RAB2A: variants seen among roughly 807,000 people sequenced by gnomAD.
RAB2A encodes RAB2A, member RAS oncogene family.
Under a neutral mutation model 32.5 loss-of-function variants are expected in RAB2A, and 7 were observed. The observed-to-expected ratio is 0.22, with a 90% CI of 0.12 to 0.40. The LOEUF (loss-of-function observed/expected upper bound fraction) is 0.40. Among genes scored for constraint, RAB2A ranks in the 10% least tolerant of loss-of-function variants. RAB2A has a pLI of 1.00. For missense variants in RAB2A, 108 were observed against 260.7 expected (o/e 0.41, Z 4.03); for synonymous variants, 79 against 85.2 (o/e 0.93, Z 0.40).
At chr8:60,592,061 G>A (rs750592323) in intron 6 of RAB2A, 92 bp downstream of exon 6, 53 of 733,014 alleles carry the variant, frequency 7.2e-5, no homozygotes, top group African/African-American at 1.8e-4. Context: ...GTTTTTAGTC[G>A]GATGGTCTTT....
chr8:60,542,410 G>C (rs186633832), intron 1 of RAB2A, among the ~76,000 whole-genome samples: 1 of 152,242 alleles, frequency 6.6e-6, no homozygotes, highest in East Asian at 1.9e-4. Context: ...AGCTACTTGG[G>C]AGCTGAGGCA....
At position 60,529,967 on chromosome 8, in the gene RAB2A, G is replaced by A. The variant is rs192906773; in HGVS notation, c.46+12714G>A. ...CCAAAGTAATCAGTTGACTCATTCTGGTTCTGTGTCACCTTTTTTTTGAGA... is the reference window on the plus strand; with the variant it reads ...CCAAAGTAATCAGTTGACTCATTCTAGTTCTGTGTCACCTTTTTTTTGAGA... On this transcript the variant is annotated intron_variant, in intron 1 of 7. Coordinates refer to ENST00000262646, the MANE Select transcript of RAB2A (RefSeq NM_002865.3). Among the ~76,000 whole-genome samples, 36 of 152,022 alleles carry A rather than the reference G, an allele frequency of 2.4e-4. 1 individual carries two copies. In the Middle Eastern group the frequency reaches 0.01, roughly 43 times the overall value.
chr8:60,547,006 C>G (rs1318957756), intron 1 of RAB2A, among the ~76,000 whole-genome samples: 3 of 142,506 alleles, frequency 2.1e-5, no homozygotes, highest in East Asian at 4.2e-4. Flanking sequence ...AACAAGTGAA[C>G]AAAGGTCTCT....
chr8:60,608,085 A>G (rs935114094), intron 6 of RAB2A, among the ~76,000 whole-genome samples: 1 of 142,800 alleles, frequency 7.0e-6, no homozygotes, highest in African/African-American at 2.8e-5. Context: ...CAACTAACAA[A>G]TACTTTTCTG....
intron 6 of RAB2A, among the ~76,000 whole-genome samples, chr8:60,610,273 A>G (rs1010383151): frequency 4.6e-5 from 7 of 152,174 alleles, no homozygotes; most frequent in Admixed American, 1.3e-4. Flanking sequence ...ATGAATTTCT[A>G]TGTCCAGAGA....
intron 3 of RAB2A, among the ~76,000 whole-genome samples, chr8:60,573,447 G>C (rs1241462239): frequency 6.6e-6 from 1 of 152,150 alleles, no homozygotes; most frequent in African/African-American, 2.4e-5. Context: ...TGGGACCTGG[G>C]TTTCCTGATA....
intron 6 of RAB2A, among the ~76,000 whole-genome samples, chr8:60,599,110 A>T (rs1305205989): frequency 2.0e-5 from 3 of 152,096 alleles, no homozygotes; most frequent in African/African-American, 7.2e-5. Flanking sequence ...AGACATAAAA[A>T]TCAATCGTAT....
intron 3 of RAB2A, among the ~76,000 whole-genome samples, chr8:60,582,736 C>A (rs1456750983): frequency 6.6e-6 from 1 of 152,102 alleles, no homozygotes; most frequent in Non-Finnish European, 1.5e-5. Context: ...TGGTCTTAAC[C>A]CATTTATGCA....
At chr8:60,528,367 T>G (rs529488295) in intron 1 of RAB2A, among the ~76,000 whole-genome samples, 94 of 152,362 alleles carry the variant, frequency 6.2e-4, no homozygotes, top group African/African-American at 2.2e-3. Context: ...TTATCCTGCT[T>G]CTTTGAATGT....
chr8:60,607,428 CAAAAAAAAAAA>C (rs773988383), intron 6 of RAB2A, among the ~76,000 whole-genome samples: 8 of 57,490 alleles, frequency 1.4e-4, no homozygotes, highest in African/African-American at 5.5e-4. Flanking sequence ...GACTCCATCT[CAAAAAAAAAAA>C]AAAAAAAAAA....
At chr8:60,594,085 A>G in intron 6 of RAB2A, among the ~76,000 whole-genome samples, 1 of 152,200 alleles carries the variant, frequency 6.6e-6, no homozygotes, top group East Asian at 1.9e-4. Flanking sequence ...TAAACTGCAG[A>G]GAGAAAATTG....
intron 1 of RAB2A, among the ~76,000 whole-genome samples, chr8:60,555,779 GA>G (rs1209759264): frequency 6.6e-6 from 1 of 152,156 alleles, no homozygotes; most frequent in Non-Finnish European, 1.5e-5. Context: ...TAGTCACTAA[GA>G]GAAACAATAT....
chr8:60,583,470 C>T (rs189514030), intron 3 of RAB2A, among the ~76,000 whole-genome samples: 21 of 152,180 alleles, frequency 1.4e-4, no homozygotes, highest in Middle Eastern at 3.4e-3. Context: ...GTGTCTGTTT[C>T]ACAAGTGGAT....
At chr8:60,611,651 A>C (rs528850566) in intron 6 of RAB2A, among the ~76,000 whole-genome samples, 18 of 152,358 alleles carry the variant, frequency 1.2e-4, no homozygotes, top group South Asian at 8.3e-4. Flanking sequence ...CTAAGGAATT[A>C]AACATTTTTG....
chr8:60,610,163 T>C (rs1352838026), intron 6 of RAB2A, among the ~76,000 whole-genome samples: 5 of 152,016 alleles, frequency 3.3e-5, no homozygotes, highest in Non-Finnish European at 7.4e-5. Context: ...TTTATGCTAC[T>C]GAAGTACTAG....
intron 2 of RAB2A, among the ~76,000 whole-genome samples, chr8:60,563,358 T>C (rs1808052538): frequency 6.6e-6 from 1 of 152,244 alleles, no homozygotes; most frequent in African/African-American, 2.4e-5. Context: ...TGTGCTGTTG[T>C]GCTGGACCAG....
chr8:60,532,774 T>C (rs1210471777), intron 1 of RAB2A, among the ~76,000 whole-genome samples: 1 of 152,230 alleles, frequency 6.6e-6, no homozygotes, highest in Non-Finnish European at 1.5e-5. Context: ...CCTCCCCAAG[T>C]GCTGGGATTA....
intron 1 of RAB2A, among the ~76,000 whole-genome samples, chr8:60,528,274 T>C (rs1437453813): frequency 6.6e-6 from 1 of 150,722 alleles, no homozygotes; most frequent in African/African-American, 2.5e-5. Context: ...TCTGAGTCTT[T>C]GTGTCGTTAT....
At chr8:60,544,246 G>A (rs1230162900) in intron 1 of RAB2A, among the ~76,000 whole-genome samples, 1 of 151,574 alleles carries the variant, frequency 6.6e-6, no homozygotes, top group African/African-American at 2.4e-5. Context: ...CACCATATTG[G>A]CCAGGCTGGT....
Sources: gnomAD v4.1 joint callset for allele counts (sites outside exome capture counted in the v4.1 genomes callset) on GRCh38, gnomAD v4.1.1 for gene constraint, MANE v1.5 for transcripts, NCBI Gene and HGNC (gene_info 2026-07-23, HGNC 2026-07-21) for gene names.